Variants in LAMA1 observed in about 807,000 individuals in gnomAD.
LAMA1 encodes laminin subunit alpha 1.
A neutral mutation model predicts 348.7 loss-of-function variants in LAMA1; 219 were observed. The ratio of observed to expected loss-of-function variants is 0.63; its 90% confidence interval spans 0.56 to 0.70. The LOEUF (loss-of-function observed/expected upper bound fraction) is 0.70. LAMA1 is among the 30% of genes least tolerant of loss of function. The pLI is 0.00. For missense variants in LAMA1, 3,744 were observed against 3,888.0 expected (o/e 0.96, Z 0.99); for synonymous variants, 1,487 against 1,491.0 (o/e 1.00, Z 0.06).
Position 6,955,455 on chromosome 18 carries a change from A to G in LAMA1, c.8105T>C (p.Val2702Ala). ...PEPRAFPEQC[V>A]VDAALEYVPG... ...AACGTACTCCAGAGCTGCATCCACC[A>G]CACACTGTTCCTGTAAGAGACACAC... The change falls in exon 57 of 63, where the codon GTG (valine) becomes GCG (alanine). Residue 2702 changes from valine to alanine, a missense_variant. Around this residue, in one of 3 missense-constraint regions of LAMA1, gnomAD observed 1,983 missense variants for 1,934.3 expected, o/e 1.03. Coordinates refer to ENST00000389658, the MANE Select transcript of LAMA1 (RefSeq NM_005559.4). 1.2e-6 allele frequency: 2 copies of G among 1,613,892 alleles called. No homozygotes were observed. The highest frequency in any genetic ancestry group is 2.7e-5 in the African/African-American group (2 of 75,036).
At position 6,950,889 on chromosome 18, in the gene LAMA1, C is replaced by CGTA. The variant is rs1304385111; in HGVS notation, c.8287_8289dup (p.Tyr2763dup). ...CGGCCCCCGTGCAGCTGGAGCACAG[C>CGTA]GTAGTCTGCTTGGTTCTGATGAGCC... On this transcript the variant is annotated inframe_insertion, in exon 58 of 63. Coordinates refer to ENST00000389658, the MANE Select transcript of LAMA1 (RefSeq NM_005559.4). The CGTA allele has an allele frequency of 6.2e-7, 1 of 1,614,048 alleles. No individual in the cohort carries two copies. Among genetic ancestry groups the CGTA allele is most frequent in the East Asian group, 2.2e-5 (1 of 44,882 alleles).
intron 42 of LAMA1, among the ~76,000 whole-genome samples, chr18:6,979,695 C>A (rs565985121): frequency 2.2e-4 from 33 of 152,110 alleles, no homozygotes; most frequent in East Asian, 1.2e-3. Flanking sequence ...GTCAGGAGAT[C>A]GAGACCATCC....
chr18:7,025,464 C>T (rs2057938389), intron 17 of LAMA1, among the ~76,000 whole-genome samples: 1 of 152,186 alleles, frequency 6.6e-6, no homozygotes, highest in Non-Finnish European at 1.5e-5. Context: ...CACTGAGTCC[C>T]CTGGGGCCCA....
At chr18:7,052,620 T>C (rs2058066460) in intron 3 of LAMA1, among the ~76,000 whole-genome samples, 1 of 151,822 alleles carries the variant, frequency 6.6e-6, no homozygotes, top group Admixed American at 6.6e-5. Context: ...CCAGCTACTT[T>C]TGAGGCTGAG....
intron 18 of LAMA1, 122 bp from the exon 19 acceptor site, chr18:7,023,497 G>C: frequency 1.2e-6 from 1 of 838,690 alleles, no homozygotes; most frequent in South Asian, 1.4e-5. Flanking sequence ...GATTTACTGT[G>C]AAAGGGATAT....
At chr18:7,043,540 T>C (rs2058029419) in intron 7 of LAMA1, 135 bp from the exon 8 acceptor site, 3 of 730,984 alleles carry the variant, frequency 4.1e-6, no homozygotes, top group Non-Finnish European at 6.9e-6. Flanking sequence ...TAATAAGATA[T>C]GGGCAGTATT....
At chr18:6,998,761 G>T (rs1016925326) in intron 32 of LAMA1, among the ~76,000 whole-genome samples, 1 of 152,198 alleles carries the variant, frequency 6.6e-6, no homozygotes, top group Non-Finnish European at 1.5e-5. Flanking sequence ...GGCCGGGCAT[G>T]GTGGTTCATG....
At chr18:6,978,126 T>C (rs915677990) in intron 43 of LAMA1, 70 bp downstream of exon 43, 2 of 1,586,578 alleles carry the variant, frequency 1.3e-6, no homozygotes, top group African/African-American at 1.3e-5. Context: ...AACGCACCAC[T>C]GTGTGCTTAG....
chr18:7,034,542 AGGAC>A lies in LAMA1; in HGVS notation c.1984_1987del (p.Val662LeufsTer4). 2 of 1,614,152 alleles carry A rather than the reference AGGAC, an allele frequency of 1.2e-6. No individual in the cohort carries two copies. Among genetic ancestry groups the A allele is most frequent in the Non-Finnish European group, 1.7e-6 (2 of 1,180,032 alleles). On this transcript the variant is annotated frameshift_variant, in exon 14 of 63. Coordinates refer to ENST00000389658, the MANE Select transcript of LAMA1 (RefSeq NM_005559.4). LOFTEE classifies it high-confidence loss of function. ...GATCAAAAGATGTGTCACATTGGCAAGGACAGTCATCAGCTGGTCACGATCAATC... is the reference window on the plus strand; with the variant it reads ...GATCAAAAGATGTGTCACATTGGCAAAGTCATCAGCTGGTCACGATCAATC...
intron 46 of LAMA1, among the ~76,000 whole-genome samples, 199 bp from the exon 47 acceptor site, chr18:6,973,406 T>G (rs551317727): frequency 6.6e-6 from 1 of 152,290 alleles, no homozygotes; most frequent in East Asian, 1.9e-4. Context: ...AATTTCATCA[T>G]GTTGTGTCCC....
intron 1 of LAMA1, among the ~76,000 whole-genome samples, chr18:7,089,990 C>T (rs184309836): frequency 2.6e-5 from 4 of 152,248 alleles, no homozygotes; most frequent in South Asian, 2.1e-4. Context: ...CATGAACATG[C>T]GTTCCCAATA....
chr18:7,008,553 C>G lies in LAMA1; in HGVS notation c.4057G>C (p.Glu1353Gln). 2 of 1,614,056 alleles carry G rather than the reference C, an allele frequency of 1.2e-6. No individual in the cohort carries two copies. The highest frequency in any genetic ancestry group is 1.7e-6 in the Non-Finnish European group (2 of 1,179,914). ...GRKAEKLHPE[E>Q]EVASLLENCV... Reference sequence around the variant, plus strand: ...TTCTCTAAAAGAGATGCAACCTCTTCTTCTGGGTGCAGCTTTTCAGCCTTT... The same window carrying G: ...TTCTCTAAAAGAGATGCAACCTCTTGTTCTGGGTGCAGCTTTTCAGCCTTT... The change falls in exon 28 of 63, where the codon GAA becomes CAA. Residue 1353 changes from glutamate (E) to glutamine (Q), a missense_variant. Physicochemically the swap from Glu to Gln is conservative, Grantham distance 29 (BLOSUM62 2). This residue lies in a region of LAMA1 where 1,983 missense variants were observed against 1,934.3 expected (regional missense o/e 1.03). Coordinates refer to ENST00000389658, the MANE Select transcript of LAMA1 (RefSeq NM_005559.4).
At chr18:7,109,788 G>T (rs1337517962) in intron 1 of LAMA1, among the ~76,000 whole-genome samples, 1 of 125,752 alleles carries the variant, frequency 8.0e-6, no homozygotes, top group Non-Finnish European at 1.6e-5. Context: ...CAGGAGCAGA[G>T]GGAGAACATT....
intron 3 of LAMA1, among the ~76,000 whole-genome samples, chr18:7,054,675 A>G (rs969737803): frequency 2.6e-5 from 4 of 152,128 alleles, no homozygotes; most frequent in African/African-American, 9.7e-5. Flanking sequence ...GGTTTAAACT[A>G]CATAGGTCCA....
At chr18:6,955,742 T>TC (rs1320568174) in intron 56 of LAMA1, 1 of 525,876 alleles carries the variant, frequency 1.9e-6, no homozygotes, top group Non-Finnish European at 3.5e-6. Context: ...CTACAAATTT[T>TC]CATCAGGCTT....
intron 42 of LAMA1, among the ~76,000 whole-genome samples, chr18:6,979,696 G>C (rs534993361): frequency 1.3e-5 from 2 of 152,018 alleles, no homozygotes; most frequent in Admixed American, 6.5e-5. Flanking sequence ...TCAGGAGATC[G>C]AGACCATCCT....
At chr18:7,075,324 T>A (rs1009071055) in intron 3 of LAMA1, among the ~76,000 whole-genome samples, 53 of 152,196 alleles carry the variant, frequency 3.5e-4, no homozygotes, top group African/African-American at 9.9e-4. Context: ...TTAAAAAAAA[T>A]TTTTAAAAAA....
rs907737803 is a variant in LAMA1 at position 6,941,937 on chromosome 18, T to C, written c.*142A>G. Reference sequence around the variant, plus strand: ...GTATTTGTTGCACATGTGGTTTTAGTGTAACGTAAACACAACATCTCTCCC... The same window carrying C: ...GTATTTGTTGCACATGTGGTTTTAGCGTAACGTAAACACAACATCTCTCCC... On this transcript the variant is annotated 3_prime_UTR_variant, in exon 63 of 63. Coordinates refer to ENST00000389658, the MANE Select transcript of LAMA1 (RefSeq NM_005559.4). The C allele has an allele frequency of 1.5e-5, 15 of 982,074 alleles. No homozygotes were observed. Among genetic ancestry groups the C allele is most frequent in the African/African-American group, 1.1e-4 (7 of 62,940 alleles). The allele number at this position is 982,074 out of a possible 1,614,324, so 60.8% of individuals were successfully genotyped here.
intron 1 of LAMA1, among the ~76,000 whole-genome samples, chr18:7,080,962 T>C (rs764178698): frequency 6.6e-6 from 1 of 152,190 alleles, no homozygotes; most frequent in Non-Finnish European, 1.5e-5. Context: ...CAAAGTAAGC[T>C]GGCTTCCAAT....
Sources: allele counts gnomAD v4.1 joint callset (sites outside exome capture counted in the v4.1 genomes callset), GRCh38; gene constraint gnomAD v4.1.1; regional missense constraint gnomAD v4.1.1; transcripts MANE v1.5; gene names NCBI Gene and HGNC (gene_info 2026-07-23, HGNC 2026-07-21).